Variants in PCDHA7 observed in about 807,000 individuals in gnomAD.
PCDHA7 encodes the protein protocadherin alpha 7.
In PCDHA7, 37 loss-of-function variants were observed where a neutral mutation model predicts 57.2. The observed-to-expected ratio is 0.65, with a 90% CI of 0.50 to 0.85. PCDHA7 has a LOEUF of 0.85. PCDHA7 is among the 40% of genes least tolerant of loss of function. PCDHA7 has a pLI of 0.00. For synonymous variants in PCDHA7, 553 were observed against 558.8 expected, an observed-to-expected ratio of 0.99 and a Z score of 0.15; for missense variants, 1,188 against 1,241.8, an observed-to-expected ratio of 0.96 and a Z score of 0.65.
rs151141737 is a variant in PCDHA7 at position 140,836,351 on chromosome 5, G to C, written c.1968G>C (p.Glu656Asp). The change falls in exon 1 of 4, where the codon GAG (glutamate) becomes GAC (aspartate). Residue 656 changes from glutamate to aspartate, a missense_variant. Glu to Asp is a conservative substitution (Grantham distance 45). Around this residue, in one of 3 missense-constraint regions of PCDHA7, gnomAD observed 892 missense variants for 788.5 expected, o/e 1.13. Coordinates refer to ENST00000525929, the MANE Select transcript of PCDHA7 (RefSeq NM_018910.3). The stretch of plus-strand genomic sequence containing the variant: ...TGGTGCTTGTGAAGGACCACGGGGA[G>C]CCCTCGCTGACAGCCACAGCCACCG... ...RLLVLVKDHG[E>D]PSLTATATVL... 1.1e-5 allele frequency: 18 copies of C among 1,613,578 alleles called. No homozygotes were observed. The highest frequency in any genetic ancestry group is 1.5e-5 in the Non-Finnish European group (18 of 1,179,848).
At chr5:140,995,837 C>T (rs1554254841) in intron 3 of PCDHA7, among the ~76,000 whole-genome samples, 2 of 152,158 alleles carry the variant, frequency 1.3e-5, no homozygotes, top group Non-Finnish European at 2.9e-5. Context: ...TGCACAGTGC[C>T]TCACATTTCT....
chr5:140,981,881 C>T lies in PCDHA7; in HGVS notation c.2415-594C>T, dbSNP rs138571007. Among the ~76,000 whole-genome samples the T allele has an allele frequency of 4.1e-3, 622 of 152,270 alleles. 4 individuals carry two copies. Among genetic ancestry groups the T allele is most frequent in the African/African-American group, 0.014 (590 of 41,550 alleles). ...CAGCAATGTTTTATGCTGAATTAAT[C>T]TCTTCTGAGCGGGGATCTGTGAGTG... On this transcript the variant is annotated intron_variant, in intron 2 of 3. Transcript: ENST00000525929.
intron 1 of PCDHA7, chr5:140,969,571 G>A: frequency 9.5e-7 from 1 of 1,050,970 alleles, no homozygotes; most frequent in Non-Finnish European, 1.3e-6. Context: ...AATTGTTTGA[G>A]AAGTGAGGAT....
chr5:140,895,861 G>C (rs1248344470), intron 1 of PCDHA7, among the ~76,000 whole-genome samples: 2 of 152,184 alleles, frequency 1.3e-5, no homozygotes, highest in African/African-American at 4.8e-5. Context: ...CCCCAGGCTG[G>C]AGTGCAATGG....
intron 3 of PCDHA7, among the ~76,000 whole-genome samples, chr5:140,994,802 C>T (rs541054161): frequency 7.9e-5 from 12 of 152,066 alleles, no homozygotes; most frequent in Non-Finnish European, 1.6e-4. Flanking sequence ...CATGCAAAAA[C>T]AAAATACAAA....
intron 1 of PCDHA7, chr5:140,843,622 G>C (rs1249780500): frequency 1.3e-6 from 2 of 1,595,910 alleles, no homozygotes; most frequent in East Asian, 2.2e-5. Flanking sequence ...CACCGAAGAC[G>C]GACCTCATGG....
chr5:140,849,243 A>G, intron 1 of PCDHA7: 1 of 1,073,288 alleles, frequency 9.3e-7, no homozygotes, highest in Non-Finnish European at 1.3e-6. Context: ...GTATACGGTG[A>G]AATTACCAGA....
chr5:140,977,876 G>A (rs1425308379), intron 1 of PCDHA7, among the ~76,000 whole-genome samples: 3 of 152,190 alleles, frequency 2.0e-5, no homozygotes, highest in Non-Finnish European at 2.9e-5. Flanking sequence ...TAAGTATAAT[G>A]TAGAGGAAAA....
rs569501434 is a variant in PCDHA7 at position 140,980,458 on chromosome 5, T to C, written c.2414+1451T>C. Among the ~76,000 whole-genome samples the C allele has an allele frequency of 1.6e-4, 25 of 152,264 alleles. No individual in the cohort carries two copies. The South Asian group carries it at 2.7e-3, about 16-fold the overall frequency. ...CATCCTGGACAACACGGTGAAACCC[T>C]GTCTCTACTAAAAATACAAAAATTA... On this transcript the variant is annotated intron_variant, in intron 2 of 3. Coordinates refer to ENST00000525929, the MANE Select transcript of PCDHA7 (RefSeq NM_018910.3).
At chr5:140,968,849 G>A in intron 1 of PCDHA7, 1 of 1,614,206 alleles carries the variant, frequency 6.2e-7, no homozygotes, top group East Asian at 2.2e-5. Context: ...TCAGAGGCAT[G>A]TTAAGAGCCC....
rs2150362585 is a variant in PCDHA7 at position 140,843,552 on chromosome 5, C to T, written c.2355+6814C>T. On this transcript the variant is annotated intron_variant, in intron 1 of 3. Transcript: ENST00000525929. ...AAGCCCACTCTGGTGTGCTCCAGTG[C>T]GGTGGGGAGCTGGTCATACTCGCAA... 5.0e-6 allele frequency: 8 copies of T among 1,595,800 alleles called. 2 individuals carry two copies. The highest frequency in any genetic ancestry group is 1.1e-5 in the South Asian group (1 of 90,490).
chr5:140,894,478 A>C (rs2064495460), intron 1 of PCDHA7, among the ~76,000 whole-genome samples: 2 of 151,508 alleles, frequency 1.3e-5, no homozygotes, highest in South Asian at 4.2e-4. Context: ...TCTTGTTTTC[A>C]TCTTATAGTT....
rs782448077 is a variant in PCDHA7 at position 140,870,373 on chromosome 5, G to T, written c.2355+33635G>T. 68 of 1,614,118 alleles carry T rather than the reference G, an allele frequency of 4.2e-5. No individual in the cohort carries two copies. In the Admixed American group the frequency reaches 5.3e-4, roughly 13 times the overall value. On this transcript the variant is annotated intron_variant, in intron 1 of 3. Coordinates refer to ENST00000525929, the MANE Select transcript of PCDHA7 (RefSeq NM_018910.3). The stretch of plus-strand genomic sequence containing the variant: ...GAACGTGTGGGCCTATGAACTGGTG[G>T]TGACTGCGCGGGATGGGGGTTCGCC...
At chr5:140,894,658 G>A (rs962936177) in intron 1 of PCDHA7, among the ~76,000 whole-genome samples, 4 of 151,172 alleles carry the variant, frequency 2.6e-5, no homozygotes, top group Non-Finnish European at 5.9e-5. Flanking sequence ...CTCTAATTCT[G>A]ATTTGTGTAT....
rs782671966 is a variant in PCDHA7 at position 140,857,602 on chromosome 5, G to T, written c.2355+20864G>T. ...ACGCGGAGAGCGGCAAGGTGTACGCGCTGCAGCCGCTGGACCACGAGGAGC... is the reference window on the plus strand; with the variant it reads ...ACGCGGAGAGCGGCAAGGTGTACGCTCTGCAGCCGCTGGACCACGAGGAGC... On this transcript the variant is annotated intron_variant, in intron 1 of 3. Coordinates refer to ENST00000525929, the MANE Select transcript of PCDHA7 (RefSeq NM_018910.3). 17 of 1,596,266 alleles carry T rather than the reference G, an allele frequency of 1.1e-5. 1 individual carries two copies. Among genetic ancestry groups the T allele is most frequent in the Non-Finnish European group, 1.5e-5 (17 of 1,167,710 alleles).
intron 1 of PCDHA7, chr5:140,883,468 C>A: frequency 6.2e-7 from 1 of 1,614,164 alleles, no homozygotes; most frequent in South Asian, 1.1e-5. Context: ...TGGTGTCCAC[C>A]TACAAGAACT....
At position 140,857,333 on chromosome 5, in the gene PCDHA7, G is replaced by C. The variant is rs200210897; in HGVS notation, c.2355+20595G>C. On this transcript the variant is annotated intron_variant, in intron 1 of 3. Coordinates refer to ENST00000525929, the MANE Select transcript of PCDHA7 (RefSeq NM_018910.3). Reference sequence around the variant, plus strand: ...TGAGCTGGTGGTGACCGCGCGGGACGGGGGCTCGCCTCCGCTGTGGGCCAC... The same window carrying C: ...TGAGCTGGTGGTGACCGCGCGGGACCGGGGCTCGCCTCCGCTGTGGGCCAC... 1.4e-4 allele frequency: 230 copies of C among 1,598,472 alleles called. 32 individuals are homozygous for C. The highest frequency in any genetic ancestry group is 1.8e-4 in the Non-Finnish European group (207 of 1,167,970).
At chr5:140,927,564 GGACACAAAT>G in intron 1 of PCDHA7, 1 of 1,614,150 alleles carries the variant, frequency 6.2e-7, no homozygotes, top group Admixed American at 1.7e-5. Context: ...TCATTGTGGT[GGACACAAAT>G]GACAACGCGC....
rs1482950920 is a variant in PCDHA7 at position 140,867,382 on chromosome 5, CG to C, written c.2355+30646del. On this transcript the variant is annotated intron_variant, in intron 1 of 3. Coordinates refer to ENST00000525929, the MANE Select transcript of PCDHA7 (RefSeq NM_018910.3). ...TTTTACAGATGCGTAATGGAATTAA[CG>C]GTTATAAAAGTTGATATGTCTCCTT... 4 of 152,124 alleles carry C rather than the reference CG, an allele frequency of 2.6e-5. No individual in the cohort carries two copies. In the East Asian group the frequency reaches 7.7e-4, roughly 29 times the overall value. 9.4% of individuals were successfully genotyped at this position (152,124 alleles called of 1,614,324 possible).
Sources: allele counts gnomAD v4.1 joint callset (sites outside exome capture counted in the v4.1 genomes callset), GRCh38; gene constraint gnomAD v4.1.1; regional missense constraint gnomAD v4.1.1; transcripts MANE v1.5; gene names NCBI Gene and HGNC (gene_info 2026-07-23, HGNC 2026-07-21).